The following MYLK3 variants were observed in gnomAD, a reference collection of about 807,000 sequenced individuals.
MYLK3 encodes the protein myosin light chain kinase 3.
In MYLK3, 55 loss-of-function variants were observed where a neutral mutation model predicts 76.3. The ratio of observed to expected loss-of-function variants is 0.72; its 90% CI spans 0.58 to 0.90. MYLK3 has a LOEUF of 0.90. Among genes scored for constraint, MYLK3 ranks in the 40% least tolerant of loss-of-function variants. The probability of loss-of-function intolerance (pLI) is 0.00; values close to 1 mark genes in which losing one functional copy is unlikely to be tolerated. For missense variants in MYLK3, 973 were observed against 1,053.6 expected, an observed-to-expected ratio of 0.92 and a Z score of 1.06; for synonymous variants, 416 against 425.4, an observed-to-expected ratio of 0.98 and a Z score of 0.27.
chr16:46,741,731 G>A (rs36464), intron 1 of MYLK3, among the ~76,000 whole-genome samples: 120,173 of 151,978 alleles, frequency 0.79, 48,465 homozygotes, highest in East Asian at 1. Context: ...GAAGCCCAGA[G>A]GCCAAAAACA....
chr16:46,762,997 C>A (rs1304142553), intron 1 of MYLK3: 17 of 984,854 alleles, frequency 1.7e-5, no homozygotes, highest in East Asian at 1.1e-4. Flanking sequence ...CTGAAAACAC[C>A]CCCCCACACA....
chr16:46,712,892 G>T, intron 9 of MYLK3, 116 bp from the exon 10 acceptor site: 1 of 1,017,486 alleles, frequency 9.8e-7, no homozygotes, highest in Non-Finnish European at 1.3e-6. Context: ...CATATGGCCT[G>T]GACTCCACAC....
intron 3 of MYLK3, 139 bp downstream of exon 3, chr16:46,737,572 A>G: frequency 2.6e-6 from 2 of 773,396 alleles, no homozygotes; most frequent in African/African-American, 1.7e-5. Context: ...TCCCAGAGGC[A>G]GGGCCCAGGC....
At chr16:46,710,583 C>G (rs1359057348) in intron 11 of MYLK3, 54 bp downstream of exon 11, 1 of 1,601,826 alleles carries the variant, frequency 6.2e-7, no homozygotes, top group African/African-American at 1.3e-5. Flanking sequence ...GCCCAGCTCC[C>G]AGACCTGGGG....
intron 4 of MYLK3, among the ~76,000 whole-genome samples, chr16:46,731,657 T>G (rs1966852786): frequency 6.6e-6 from 1 of 152,112 alleles, no homozygotes; most frequent in Admixed American, 6.5e-5. Flanking sequence ...ACACCCTGGG[T>G]CACTAGCCCG....
chr16:46,749,048 G>A (rs1308890867), upstream of MYLK3, among the ~76,000 whole-genome samples: 2 of 152,204 alleles, frequency 1.3e-5, no homozygotes, highest in Non-Finnish European at 2.9e-5. Flanking sequence ...TTTCCATACT[G>A]AAACAGACTA....
rs1331521029 is a variant in MYLK3, at chr16:46,729,636, T to A, written c.1620A>T (p.Pro540=). Residue 540 remains proline, a synonymous_variant, in exon 6 of 13, where the codon CCA becomes CCT. Transcript: ENST00000394809. ...HRCTEKSTGL[P]LAAKIIKVKS... The stretch of plus-strand genomic sequence containing the variant: ...TCACTTTGATGATCTTGGCAGCCAG[T>A]GGGAGGCCTGTGGACTTCTCTGTGC... 6.2e-7 allele frequency: 1 copy of A among 1,613,730 alleles called. No individual in the cohort carries two copies. The highest frequency in any genetic ancestry group is 2.2e-5 in the East Asian group (1 of 44,872).
At chr16:46,731,485 G>A (rs552994646) in intron 4 of MYLK3, among the ~76,000 whole-genome samples, 9 of 152,322 alleles carry the variant, frequency 5.9e-5, no homozygotes, top group Admixed American at 5.9e-4. Flanking sequence ...AGGGCTGGAA[G>A]GAAGTTGGCT....
intron 8 of MYLK3, among the ~76,000 whole-genome samples, chr16:46,723,891 C>T (rs140005334): frequency 2.8e-4 from 42 of 152,286 alleles, no homozygotes; most frequent in African/African-American, 8.4e-4. Flanking sequence ...TCAGGTGATC[C>T]GCCTGCCTCG....
rs560431199 is a variant in MYLK3, at chr16:46,704,824, T to G, written c.*2880A>C. ...AGAATCTTAAGTCGAAAACAGGGTA[T>G]GAACCACAATAGAACTATAAAATAT... On this transcript the variant is annotated 3_prime_UTR_variant, in exon 13 of 13. Transcript: ENST00000394809. 1 of 152,336 alleles carries G rather than the reference T, an allele frequency of 6.6e-6. No individual in the cohort carries two copies. The highest frequency in any genetic ancestry group is 1.9e-4 in the East Asian group (1 of 5,190). The allele number at this position is 152,336 out of a possible 1,614,324, so 9.4% of individuals were successfully genotyped here.
Position 46,729,087 on chromosome 16 carries a change from A to G in MYLK3, c.1709T>C (p.Val570Ala), listed in dbSNP as rs760538629. The G allele has an allele frequency of 5.6e-6, 9 of 1,614,152 alleles. No individual in the cohort carries two copies. Among genetic ancestry groups the G allele is most frequent in the Middle Eastern group, 1.7e-4 (1 of 6,060 alleles). Reference protein sequence around the residue: ...EINIMNQLSHVNLIQLYDAFE... With the variant: ...EINIMNQLSHANLIQLYDAFE... Reference sequence around the variant, plus strand: ...GGCGTCATAGAGCTGGATCAGGTTCACGTGGCTGAGCTGGTTCATGATGTT... The same window carrying G: ...GGCGTCATAGAGCTGGATCAGGTTCGCGTGGCTGAGCTGGTTCATGATGTT... The change falls in exon 7 of 13, where the codon GTG (valine) becomes GCG (alanine). Residue 570 changes from valine (V) to alanine (A), a missense_variant. Physicochemically the swap from Val to Ala is moderately conservative, Grantham distance 64. Coordinates refer to ENST00000394809, the MANE Select transcript of MYLK3 (RefSeq NM_182493.3).
At chr16:46,721,839 G>C (rs1385408253) in intron 8 of MYLK3, among the ~76,000 whole-genome samples, 1 of 152,090 alleles carries the variant, frequency 6.6e-6, no homozygotes, top group Non-Finnish European at 1.5e-5. Flanking sequence ...GAATCATCAG[G>C]GGAGCTTTTA....
Position 46,732,453 on chromosome 16 carries a change from C to T in MYLK3, c.1217G>A (p.Ser406Asn), listed in dbSNP as rs1305294708. 6.2e-7 allele frequency: 1 copy of T among 1,612,254 alleles called. No individual in the cohort carries two copies. The highest frequency in any genetic ancestry group is 2.2e-5 in the East Asian group (1 of 44,878). ...GARELSPLQE[S>N]SSPGGVKAEE... The stretch of plus-strand genomic sequence containing the variant: ...TGCCTTCACTCCCCCGGGGCTGCTG[C>T]TCTCCTGCAGCGGGGAGAGCTCTCT... Residue 406 changes from serine to asparagine, a missense_variant, in exon 4 of 13, where the codon AGC (serine) becomes AAC (asparagine). Transcript: ENST00000394809.
chr16:46,752,132 T>G (rs1260393919), upstream of MYLK3, among the ~76,000 whole-genome samples: 1 of 151,922 alleles, frequency 6.6e-6, no homozygotes, highest in Non-Finnish European at 1.5e-5. Context: ...CACCCTAGGG[T>G]GGGGCCAGCA....
intron 1 of MYLK3, among the ~76,000 whole-genome samples, chr16:46,746,249 T>C (rs1202237720): frequency 1.3e-5 from 2 of 152,138 alleles, no homozygotes; most frequent in Non-Finnish European, 2.9e-5. Context: ...GTTGTTATAC[T>C]ATTGTATAAC....
At chr16:46,729,864 T>G (rs1966848959) in intron 5 of MYLK3, 177 bp from the exon 6 acceptor site, 1 of 623,892 alleles carries the variant, frequency 1.6e-6, no homozygotes, top group Non-Finnish European at 2.9e-6. Context: ...GCAAAGCAAC[T>G]CTTCACCCCA....
upstream of MYLK3, among the ~76,000 whole-genome samples, chr16:46,753,220 C>T (rs959273503): frequency 5.3e-5 from 8 of 152,204 alleles, no homozygotes; most frequent in African/African-American, 9.7e-5. Flanking sequence ...CCGATACCCC[C>T]GGTAGGGTAA....
intron 8 of MYLK3, among the ~76,000 whole-genome samples, chr16:46,723,531 A>G (rs1335250003): frequency 2.0e-5 from 3 of 152,134 alleles, no homozygotes; most frequent in Admixed American, 1.3e-4. Flanking sequence ...GCTGGGTTAT[A>G]TGGTAATTCT....
intron 12 of MYLK3, among the ~76,000 whole-genome samples, chr16:46,709,038 G>A (rs1378889571): frequency 1.3e-5 from 2 of 152,122 alleles, no homozygotes; most frequent in Non-Finnish European, 2.9e-5. Flanking sequence ...TTTGCTCTGT[G>A]ACATTTTTAA....
Sources: allele counts gnomAD v4.1 joint callset (sites outside exome capture counted in the v4.1 genomes callset), GRCh38; gene constraint gnomAD v4.1.1; transcripts MANE v1.5; gene names NCBI Gene and HGNC (gene_info 2026-07-23, HGNC 2026-07-21).